Variants in AGO2 observed in about 807,000 individuals in gnomAD.
AGO2 encodes protein argonaute-2.
In AGO2, 5 loss-of-function variants were observed where a neutral mutation model predicts 102.3. The ratio of observed to expected loss-of-function variants is 0.05; its 90% CI spans 0.03 to 0.10. The LOEUF (loss-of-function observed/expected upper bound fraction) is 0.10. AGO2 is among the 10% of genes least tolerant of loss of function. The probability of loss-of-function intolerance (pLI) is 1.00; values close to 1 mark genes in which losing one functional copy is unlikely to be tolerated. For missense variants in AGO2, 541 were observed against 1,183.7 expected (o/e 0.46, Z 7.97); for synonymous variants, 449 against 473.1 (o/e 0.95, Z 0.66).
At chr8:140,554,493 C>G (rs2132923605) in intron 10 of AGO2, among the ~76,000 whole-genome samples, 1 of 152,314 alleles carries the variant, frequency 6.6e-6, no homozygotes, top group East Asian at 1.9e-4. Flanking sequence ...AGCTAGAAAA[C>G]AGCGAGGCAC....
intron 4 of AGO2, 140 bp downstream of exon 4, chr8:140,562,313 C>T (rs2073215130): frequency 9.8e-7 from 1 of 1,019,798 alleles, no homozygotes; most frequent in South Asian, 1.7e-5. Flanking sequence ...TTTGTGTTAT[C>T]TTCATCACAG....
chr8:140,629,172 T>C (rs1041497063), intron 1 of AGO2, among the ~76,000 whole-genome samples: 4 of 152,176 alleles, frequency 2.6e-5, no homozygotes, highest in African/African-American at 7.2e-5. Context: ...ACGGACTTTT[T>C]TGACAGATCA....
chr8:140,599,232 C>T (rs1000416317), intron 1 of AGO2, among the ~76,000 whole-genome samples: 4 of 152,212 alleles, frequency 2.6e-5, no homozygotes, highest in Admixed American at 2.0e-4. Context: ...AAGAGATGTG[C>T]GCTGAGCGTC....
intron 1 of AGO2, among the ~76,000 whole-genome samples, chr8:140,612,651 T>C (rs149632846): frequency 4.7e-4 from 70 of 149,486 alleles, no homozygotes; most frequent in African/African-American, 1.7e-3. Flanking sequence ...TACTCGGAGG[T>C]TGAGGCAGGA....
At chr8:140,609,773 C>G (rs190293513) in intron 1 of AGO2, among the ~76,000 whole-genome samples, 1 of 152,208 alleles carries the variant, frequency 6.6e-6, no homozygotes, top group Non-Finnish European at 1.5e-5. Flanking sequence ...GAATGACTGC[C>G]CGGAAAAAGA....
At chr8:140,634,997 G>C (rs1306141523) in intron 1 of AGO2, among the ~76,000 whole-genome samples, 1 of 151,390 alleles carries the variant, frequency 6.6e-6, no homozygotes, top group Non-Finnish European at 1.5e-5. Flanking sequence ...GCCCCGAGCC[G>C]GGCGCCCCGA....
chr8:140,617,187 C>T (rs1011141761), intron 1 of AGO2, among the ~76,000 whole-genome samples: 1 of 152,146 alleles, frequency 6.6e-6, no homozygotes, highest in Non-Finnish European at 1.5e-5. Flanking sequence ...GCAGCTAACG[C>T]GAGCACCTGC....
In AGO2 at chr8:140,527,355, G is replaced by A. The variant is rs750019004; in HGVS notation, c.*4689C>T. ...GGCAGTGTCTCCACAACAGAGCCAC[G>A]TGTTGCATTCATGTCACTTCTCCTA... On this transcript the variant is annotated 3_prime_UTR_variant, in exon 19 of 19. Transcript: ENST00000220592. This position sits in a 1 kb window ranked among gnomAD's most constrained non-coding sequence, Gnocchi z 6.0. The A allele has an allele frequency of 6.6e-6, 1 of 152,398 alleles. No individual in the cohort carries two copies. The highest frequency in any genetic ancestry group is 1.5e-5 in the Non-Finnish European group (1 of 68,042). The allele number at this position is 152,398 out of a possible 1,614,324, so 9.4% of individuals were successfully genotyped here.
chr8:140,641,930 T>A, the AGO2 span, among the ~76,000 whole-genome samples: 6 of 151,916 alleles, frequency 3.9e-5, no homozygotes, highest in African/African-American at 1.5e-4. Flanking sequence ...TAGTCTCAGC[T>A]AATTGGGAGG....
rs1483375644 is a variant in AGO2, at chr8:140,520,195, A to T, written c.*11849T>A. The stretch of plus-strand genomic sequence containing the variant: ...CTTTTATTTAATTTTTTGCTGACAT[A>T]CTATGAGGCAAAACAAAATTGACAC... On this transcript the variant is annotated 3_prime_UTR_variant, in exon 19 of 19. Coordinates refer to ENST00000220592, the MANE Select transcript of AGO2 (RefSeq NM_012154.5). 6.6e-6 allele frequency: 1 copy of T among 152,236 alleles called. No individual in the cohort carries two copies. Among genetic ancestry groups the T allele is most frequent in the African/African-American group, 2.4e-5 (1 of 41,458 alleles). The allele number at this position is 152,236 out of a possible 1,614,324, so 9.4% of individuals were successfully genotyped here.
At chr8:140,546,954 TCA>T in intron 13 of AGO2, among the ~76,000 whole-genome samples, 1 of 152,088 alleles carries the variant, frequency 6.6e-6, no homozygotes, top group Non-Finnish European at 1.5e-5. Flanking sequence ...TCCCCGGCGG[TCA>T]GCCCTGGGCC....
intron 4 of AGO2, among the ~76,000 whole-genome samples, chr8:140,562,212 G>A (rs1025346030): frequency 1.6e-4 from 24 of 152,228 alleles, no homozygotes; most frequent in Admixed American, 1.1e-3. Context: ...AGGCACCAGC[G>A]TGCACACAAA....
At chr8:140,545,865 C>T (rs1283566922) in intron 13 of AGO2, among the ~76,000 whole-genome samples, 2 of 152,224 alleles carry the variant, frequency 1.3e-5, no homozygotes, top group African/African-American at 4.8e-5. Context: ...CGGGTGCCTC[C>T]GACGGCCCCA....
chr8:140,610,028 T>TAA (rs55637374), intron 1 of AGO2, among the ~76,000 whole-genome samples: 3 of 126,568 alleles, frequency 2.4e-5, no homozygotes, highest in East Asian at 2.8e-4. Context: ...ACCTTGACTC[T>TAA]AAAAAAAAAA....
rs2073634996 is a variant in AGO2 at position 140,585,222 on chromosome 8, T to G, written c.112A>C (p.Ile38Leu). ...RPDFGTSGRTIKLQANFFEMD... is the reference protein window; with the variant it reads ...RPDFGTSGRTLKLQANFFEMD... ...TCGAAGAAATTGGCCTGTAATTTGA[T>G]TGTTCTCCCGGAGGTCCCAAAGTCG... Residue 38 changes from isoleucine to leucine, a missense_variant, in exon 2 of 19, where the codon ATC becomes CTC. Ile to Leu is a conservative substitution (Grantham distance 5). Transcript: ENST00000220592. 6.2e-7 allele frequency: 1 copy of G among 1,614,094 alleles called. No homozygotes were observed. Among genetic ancestry groups the G allele is most frequent in the South Asian group, 1.1e-5 (1 of 91,090 alleles).
chr8:140,628,087 C>T (rs938350648), intron 1 of AGO2, among the ~76,000 whole-genome samples: 2 of 152,244 alleles, frequency 1.3e-5, no homozygotes, highest in African/African-American at 4.8e-5. Context: ...TCACCTGGGA[C>T]ATCTGTGAAA....
intron 1 of AGO2, among the ~76,000 whole-genome samples, chr8:140,615,762 G>A (rs779476809): frequency 1.3e-5 from 2 of 152,334 alleles, no homozygotes; most frequent in Admixed American, 6.5e-5. Flanking sequence ...ACGCGGCTTC[G>A]CCACAGATCC....
chr8:140,636,043 G>A (rs1414041006), upstream of AGO2, among the ~76,000 whole-genome samples: 2 of 151,030 alleles, frequency 1.3e-5, no homozygotes, highest in Non-Finnish European at 3.0e-5. Flanking sequence ...GGGAGGCCAC[G>A]CGCCCCCGCT....
chr8:140,547,075 C>T (rs1050107565), intron 13 of AGO2, among the ~76,000 whole-genome samples: 8 of 152,210 alleles, frequency 5.3e-5, no homozygotes, highest in Admixed American at 3.3e-4. Context: ...CCCAGCACGA[C>T]GCAGCATCCA....
Sources: gnomAD v4.1 joint callset for allele counts (sites outside exome capture counted in the v4.1 genomes callset) on GRCh38, gnomAD v4.1.1 for gene constraint, Gnocchi (gnomAD v3.1) non-coding constraint, MANE v1.5 for transcripts, NCBI Gene and HGNC (gene_info 2026-07-23, HGNC 2026-07-21) for gene names.